ALMS1: variants seen among roughly 807,000 people sequenced by gnomAD.
ALMS1 encodes the protein centrosome-associated protein ALMS1.
A neutral mutation model predicts 352.2 loss-of-function variants in ALMS1; 271 were observed. The ratio of observed to expected loss-of-function variants is 0.77; its 90% CI spans 0.70 to 0.85. The LOEUF is 0.85. ALMS1 is among the 40% of genes least tolerant of loss of function. ALMS1 has a pLI of 0.00. For missense variants in ALMS1, 5,445 were observed against 4,870.7 expected (o/e 1.12, Z -3.51); for synonymous variants, 1,865 against 1,761.2 (o/e 1.06, Z -1.48).
intron 7 of ALMS1, among the ~76,000 whole-genome samples, chr2:73,436,880 C>G (rs1671613765): frequency 6.6e-6 from 1 of 152,192 alleles, no homozygotes; most frequent in Admixed American, 6.5e-5. Context: ...TGTGTGCCCT[C>G]TGAAAGGTAA....
Position 73,490,352 on chromosome 2 carries a change from T to C in ALMS1, c.8393T>C (p.Leu2798Ser). The C allele has an allele frequency of 6.2e-7, 1 of 1,612,606 alleles. No homozygotes were observed. The highest frequency in any genetic ancestry group is 2.2e-5 in the East Asian group (1 of 44,866). ...LAEGRRQSQK[L>S]PVDFERSFQE... ...GAAGGTAGAAGGCAAAGCCAAAAAT[T>C]ACCTGTTGATTTTGAGCGTTCTTTT... The change falls in exon 10 of 23, where the codon TTA becomes TCA. Residue 2798 changes from leucine to serine, a missense_variant. By Grantham distance (145) the Leu-to-Ser change is moderately radical. Coordinates refer to ENST00000613296, the MANE Select transcript of ALMS1 (RefSeq NM_001378454.1).
Position 73,453,786 on chromosome 2 carries a change from G to T in ALMS1, c.7259G>T (p.Ser2420Ile), listed in dbSNP as rs1295604147. The T allele has an allele frequency of 6.2e-7, 1 of 1,614,144 alleles. No homozygotes were observed. Residue 2420 changes from serine to isoleucine, a missense_variant, in exon 8 of 23, where the codon AGT becomes ATT. Transcript: ENST00000613296. Reference sequence around the variant, plus strand: ...AAAAGTGATTCAAGTAGTGATGCCAGTGATGGAAATGGTTCCTGCTCGTGG... The same window carrying T: ...AAAAGTGATTCAAGTAGTGATGCCATTGATGGAAATGGTTCCTGCTCGTGG... Reference protein sequence around the residue: ...VIKSDSSSDASDGNGSCSWDS... With the variant: ...VIKSDSSSDAIDGNGSCSWDS...
chr2:73,578,528 A>G (rs184431782), intron 16 of ALMS1, among the ~76,000 whole-genome samples: 16 of 151,164 alleles, frequency 1.1e-4, no homozygotes, highest in African/African-American at 3.6e-4. Context: ...TTAACATTTC[A>G]TAGTTATTTT....
chr2:73,389,006 CAAG>C (rs1338168552), intron 1 of ALMS1, among the ~76,000 whole-genome samples: 1 of 152,130 alleles, frequency 6.6e-6, no homozygotes, highest in Non-Finnish European at 1.5e-5. Context: ...TTGAGTTCTT[CAAG>C]AAATCTCCAT....
chr2:73,434,975 C>A (rs1264626828), intron 7 of ALMS1, among the ~76,000 whole-genome samples: 1 of 152,040 alleles, frequency 6.6e-6, no homozygotes, highest in Non-Finnish European at 1.5e-5. Flanking sequence ...TTAGAATTGA[C>A]CTTTTAATTG....
chr2:73,495,667 A>G (rs1673088719), intron 10 of ALMS1, among the ~76,000 whole-genome samples: 2 of 152,170 alleles, frequency 1.3e-5, no homozygotes, highest in South Asian at 2.1e-4. Flanking sequence ...GCTAAGAAAT[A>G]TAGGTAGATT....
intron 12 of ALMS1, 90 bp downstream of exon 12, chr2:73,535,039 T>C (rs1448201565): frequency 6.5e-7 from 1 of 1,527,004 alleles, no homozygotes; most frequent in Non-Finnish European, 9.1e-7. Context: ...AGTCCAGTGC[T>C]CTTTAATTTT....
At chr2:73,447,327 T>C (rs1671827729) in intron 7 of ALMS1, among the ~76,000 whole-genome samples, 1 of 152,168 alleles carries the variant, frequency 6.6e-6, no homozygotes, top group African/African-American at 2.4e-5. Flanking sequence ...TGTAAACAAC[T>C]TGCCATGCTA....
In ALMS1 at chr2:73,448,626, G is replaced by C; in HGVS notation, c.2099G>C (p.Gly700Ala). The change falls in exon 8 of 23, where the codon GGA becomes GCA. Residue 700 changes from glycine (G) to alanine (A), a missense_variant. Physicochemically the swap from Gly to Ala is moderately conservative, Grantham distance 60 (BLOSUM62 0). Coordinates refer to ENST00000613296, the MANE Select transcript of ALMS1 (RefSeq NM_001378454.1). ...DQALKVSAVS[G>A]PADQKTGTAT... is the part of the protein sequence containing the mutation. ...GCTCTGAAAGTCTCAGCTGTGTCTG[G>C]ACCAGCTGACCAGAAGACTGGGACA... is the stretch of plus-strand genomic sequence containing the variant. The C allele has an allele frequency of 1.2e-6, 2 of 1,612,730 alleles. No homozygotes were observed. The highest frequency in any genetic ancestry group is 1.7e-6 in the Non-Finnish European group (2 of 1,179,568).
chr2:73,521,679 G>A (rs1166936799), intron 11 of ALMS1, among the ~76,000 whole-genome samples: 3 of 151,616 alleles, frequency 2.0e-5, no homozygotes, highest in Admixed American at 1.3e-4. Flanking sequence ...GAACCCAGGA[G>A]GCGGAGCTTG....
At chr2:73,548,269 TTTAG>T (rs774122934) in intron 12 of ALMS1, among the ~76,000 whole-genome samples, 64 of 152,220 alleles carry the variant, frequency 4.2e-4, no homozygotes, top group Non-Finnish European at 8.5e-4. Context: ...ATTCCAGATC[TTTAG>T]TTAGAGTTCT....
chr2:73,540,399 C>G (rs1340949771), intron 12 of ALMS1, among the ~76,000 whole-genome samples: 1 of 152,164 alleles, frequency 6.6e-6, no homozygotes, highest in Non-Finnish European at 1.5e-5. Context: ...CAACTGGTAC[C>G]AGCCACTGCA....
chr2:73,474,414 T>A (rs1167594234), intron 9 of ALMS1, among the ~76,000 whole-genome samples: 2 of 151,342 alleles, frequency 1.3e-5, no homozygotes, highest in East Asian at 3.9e-4. Flanking sequence ...TGTGTGTCTA[T>A]TGGTTTACAT....
rs201154998 is a variant in ALMS1 at position 73,449,063 on chromosome 2, G to A, written c.2536G>A (p.Gly846Arg). 62 of 1,613,902 alleles carry A rather than the reference G, an allele frequency of 3.8e-5. No individual in the cohort carries two copies. In the African/African-American group the frequency reaches 7.1e-4, roughly 18 times the overall value. Reference sequence around the variant, plus strand: ...TTCAGCTGTTTCTGGACCAGCTGACGGAAAGACTGGGACACCAGCTGTAAC... The same window carrying A: ...TTCAGCTGTTTCTGGACCAGCTGACAGAAAGACTGGGACACCAGCTGTAAC... The part of the protein sequence containing the change: ...KVSAVSGPAD[G>R]KTGTPAVTST... Residue 846 changes from glycine (G) to arginine (R), a missense_variant, in exon 8 of 23, where the codon GGA becomes AGA. Transcript: ENST00000613296.
intron 6 of ALMS1, 133 bp downstream of exon 6, chr2:73,426,686 G>C: frequency 1.1e-6 from 1 of 881,114 alleles, no homozygotes; most frequent in Non-Finnish European, 1.8e-6. Flanking sequence ...TGACTGGTGA[G>C]TACATTGAGC....
chr2:73,528,497 A>G (rs1673840755), intron 11 of ALMS1, among the ~76,000 whole-genome samples: 1 of 151,986 alleles, frequency 6.6e-6, no homozygotes. Context: ...TGTTTTTATA[A>G]TTTTTGTCTT....
intron 9 of ALMS1, among the ~76,000 whole-genome samples, chr2:73,482,331 A>G (rs1445086735): frequency 6.6e-6 from 1 of 152,208 alleles, no homozygotes; most frequent in Non-Finnish European, 1.5e-5. Context: ...ATCTATTGAG[A>G]AAATCATGTG....
At position 73,572,580 on chromosome 2, in the gene ALMS1, G is replaced by C. The variant is rs1193489151; in HGVS notation, c.10703G>C (p.Arg3568Thr). ...ATGGATACTACTAAAAGTCAAGTTA[G>C]AGATTATCCAAAACATAATGGACAA... is the stretch of plus-strand genomic sequence containing the variant. ...EVMDTTKSQV[R>T]DYPKHNGQIS... Residue 3568 changes from arginine (R) to threonine (T), a missense_variant, in exon 16 of 23, where the codon AGA becomes ACA. Coordinates refer to ENST00000613296, the MANE Select transcript of ALMS1 (RefSeq NM_001378454.1). 6.2e-7 allele frequency: 1 copy of C among 1,613,738 alleles called. No individual in the cohort carries two copies. The highest frequency in any genetic ancestry group is 1.3e-5 in the African/African-American group (1 of 74,922).
At chr2:73,501,964 C>T (rs889029695) in intron 10 of ALMS1, among the ~76,000 whole-genome samples, 21 of 151,926 alleles carry the variant, frequency 1.4e-4, no homozygotes, top group Non-Finnish European at 2.4e-4. Context: ...TTGTAATTTT[C>T]GTTGTGTAGA....
Sources: gnomAD v4.1 joint callset for allele counts (sites outside exome capture counted in the v4.1 genomes callset) on GRCh38, gnomAD v4.1.1 for gene constraint, MANE v1.5 for transcripts, NCBI Gene and HGNC (gene_info 2026-07-23, HGNC 2026-07-21) for gene names.